The following CAMKMT variants were observed in gnomAD, a reference collection of about 807,000 sequenced individuals.
CAMKMT encodes CaM KMT.
In CAMKMT, 53 loss-of-function variants were observed where a neutral mutation model predicts 48.0. That is an observed-to-expected ratio of 1.10 (90% CI 0.89 to 1.39). The LOEUF (loss-of-function observed/expected upper bound fraction) is 1.39, where lower values mean the gene tolerates loss of function less well. Ranked by LOEUF, CAMKMT falls within the 40% of genes most tolerant of loss-of-function variation. CAMKMT has a pLI of 0.00. For missense variants in CAMKMT, 428 were observed against 402.7 expected (o/e 1.06, Z -0.54); for synonymous variants, 165 against 152.3 (o/e 1.08, Z -0.61).
chr2:44,595,192 A>C (rs1188095228), intron 3 of CAMKMT, among the ~76,000 whole-genome samples: 3 of 151,626 alleles, frequency 2.0e-5, no homozygotes, highest in South Asian at 2.1e-4. Flanking sequence ...GAACACTTTT[A>C]CACTGTTGGT....
At chr2:44,407,973 C>T (rs1222696691) in intron 3 of CAMKMT, among the ~76,000 whole-genome samples, 1 of 150,226 alleles carries the variant, frequency 6.7e-6, no homozygotes, top group Non-Finnish European at 1.5e-5. Flanking sequence ...ATCAGGGAAA[C>T]TTAATTGAGG....
intron 3 of CAMKMT, among the ~76,000 whole-genome samples, chr2:44,573,474 T>C (rs150175975): frequency 1.9e-3 from 287 of 152,260 alleles, no homozygotes; most frequent in African/African-American, 6.5e-3. Flanking sequence ...GTGGATTCCA[T>C]TCATTCTGTT....
chr2:44,511,737 C>G (rs1489354552), intron 3 of CAMKMT, among the ~76,000 whole-genome samples: 2 of 152,202 alleles, frequency 1.3e-5, no homozygotes, highest in Admixed American at 1.3e-4. Flanking sequence ...GGCTCTTGCT[C>G]CCTCCAGCTG....
intron 3 of CAMKMT, among the ~76,000 whole-genome samples, chr2:44,528,125 C>T (rs550259884): frequency 6.6e-6 from 1 of 152,110 alleles, no homozygotes; most frequent in Non-Finnish European, 1.5e-5. Flanking sequence ...AATTCCCAGT[C>T]TCTTCAGCTG....
At chr2:44,709,092 A>G (rs1245015103) in intron 6 of CAMKMT, among the ~76,000 whole-genome samples, 1 of 152,188 alleles carries the variant, frequency 6.6e-6, no homozygotes, top group African/African-American at 2.4e-5. Flanking sequence ...TGCTTTAAAC[A>G]ACAAAGATGC....
At chr2:44,555,552 A>G (rs1667961242) in intron 3 of CAMKMT, among the ~76,000 whole-genome samples, 1 of 152,230 alleles carries the variant, frequency 6.6e-6, no homozygotes, top group African/African-American at 2.4e-5. Context: ...GAGAAGGTCT[A>G]GGCATCAGGA....
At chr2:44,381,171 A>G (rs1191909843) in intron 2 of CAMKMT, among the ~76,000 whole-genome samples, 1 of 152,134 alleles carries the variant, frequency 6.6e-6, no homozygotes, top group African/African-American at 2.4e-5. Context: ...AAAAAGAAAT[A>G]ATGCTTTCCA....
chr2:44,631,729 T>G (rs1247653417), intron 3 of CAMKMT: 1 of 384,674 alleles, frequency 2.6e-6, no homozygotes, highest in Non-Finnish European at 4.6e-6. Context: ...ATGTTTAAGT[T>G]TACTATCTTG....
intron 3 of CAMKMT, among the ~76,000 whole-genome samples, chr2:44,444,122 C>A (rs989409219): frequency 2.0e-5 from 3 of 152,148 alleles, no homozygotes; most frequent in Admixed American, 6.5e-5. Flanking sequence ...AACTTTTCTA[C>A]ACGTGTACTT....
intron 9 of CAMKMT, among the ~76,000 whole-genome samples, chr2:44,756,556 A>G: frequency 6.6e-6 from 1 of 151,944 alleles, no homozygotes; most frequent in East Asian, 1.9e-4. Context: ...CCTGGCTAAT[A>G]TGGTGAAACC....
At position 44,666,612 on chromosome 2, in the gene CAMKMT, C is replaced by CTTTTTTTTTTTT. The variant is rs1293884982; in HGVS notation, c.377-37665_377-37654dup. On this transcript the variant is annotated intron_variant, in intron 3 of 10. Coordinates refer to ENST00000378494, the MANE Select transcript of CAMKMT (RefSeq NM_024766.5). ...TTGATCTCCTTTTGGCTCCTGGAAT[C>CTTTTTTTTTTTT]TTTTTTTTTTTTTTTTTGAGACAGA... Among the ~76,000 whole-genome samples, 269 of 133,912 alleles carry CTTTTTTTTTTTT rather than the reference C, an allele frequency of 2.0e-3. 10 individuals are homozygous for CTTTTTTTTTTTT. Among genetic ancestry groups the CTTTTTTTTTTTT allele is most frequent in the African/African-American group, 7.2e-3 (245 of 34,090 alleles). 87.9% of individuals were successfully genotyped at this position (133,912 alleles called of 152,430 possible).
At chr2:44,391,842 G>A (rs549187947) in intron 3 of CAMKMT, 2 of 152,968 alleles carry the variant, frequency 1.3e-5, no homozygotes, top group Non-Finnish European at 2.9e-5. Flanking sequence ...CGGAAATATT[G>A]CATATTCAGG....
chr2:44,465,268 A>C (rs1260508514), intron 3 of CAMKMT, among the ~76,000 whole-genome samples: 2 of 152,118 alleles, frequency 1.3e-5, no homozygotes, highest in African/African-American at 4.8e-5. Context: ...CTGCACAAAA[A>C]AAATGAGAAC....
intron 3 of CAMKMT, among the ~76,000 whole-genome samples, chr2:44,493,427 T>G (rs1174019147): frequency 6.6e-6 from 1 of 152,238 alleles, no homozygotes; most frequent in Non-Finnish European, 1.5e-5. Flanking sequence ...TCATTCTGTC[T>G]TTCTCTGTCT....
At chr2:44,388,936 G>A (rs1558566170) in intron 2 of CAMKMT, among the ~76,000 whole-genome samples, 1 of 152,144 alleles carries the variant, frequency 6.6e-6, no homozygotes, top group African/African-American at 2.4e-5. Flanking sequence ...GAGTCCGTGA[G>A]GGTTCTTAGC....
chr2:44,658,409 C>T (rs183193525), intron 3 of CAMKMT, among the ~76,000 whole-genome samples: 1 of 152,104 alleles, frequency 6.6e-6, no homozygotes, highest in Non-Finnish European at 1.5e-5. Flanking sequence ...TAGAGTGGCT[C>T]ACCACCGCCC....
chr2:44,575,385 C>T (rs1669161187), intron 3 of CAMKMT, among the ~76,000 whole-genome samples: 1 of 152,098 alleles, frequency 6.6e-6, no homozygotes, highest in Non-Finnish European at 1.5e-5. Context: ...AGCCCTTCTC[C>T]ATTTATTTAG....
chr2:44,689,267 TA>T (rs948700708), intron 3 of CAMKMT, among the ~76,000 whole-genome samples: 13 of 131,744 alleles, frequency 9.9e-5, no homozygotes, highest in Non-Finnish European at 1.4e-4. Flanking sequence ...CACTATTTTT[TA>T]TTTATTTATT....
rs188086651 is a variant in CAMKMT at position 44,709,200 on chromosome 2, T to C, written c.556+1738T>C. 7.8e-3 allele frequency among the ~76,000 whole-genome samples: 1,193 copies of C among 152,172 alleles called. 10 individuals carry two copies. The highest frequency in any genetic ancestry group is 1.0e-2 in the Non-Finnish European group (680 of 68,008). ...TTGGTACAGCCCCCTCCCAAGAAAA[T>C]GGATTTTTAACATTTGGTCCTCAGA... On this transcript the variant is annotated intron_variant, in intron 6 of 10. Transcript: ENST00000378494.
Sources: gnomAD v4.1 joint callset for allele counts (sites outside exome capture counted in the v4.1 genomes callset) on GRCh38, gnomAD v4.1.1 for gene constraint, MANE v1.5 for transcripts, NCBI Gene and HGNC (gene_info 2026-07-23, HGNC 2026-07-21) for gene names.